Variants in FANCM observed in about 807,000 individuals in gnomAD.
The protein encoded by FANCM is Fanconi anemia group M protein.
Under a neutral mutation model 199.5 loss-of-function variants are expected in FANCM, and 140 were observed. The ratio of observed to expected loss-of-function variants is 0.70; its 90% CI spans 0.61 to 0.81. The LOEUF (loss-of-function observed/expected upper bound fraction) is 0.81. Ranked by LOEUF, FANCM falls within the 30% of genes least tolerant of loss-of-function variation. FANCM has a pLI of 0.00. For synonymous variants in FANCM, 840 were observed against 836.8 expected (o/e 1.00, Z -0.07); for missense variants, 2,410 against 2,421.4 (o/e 1.00, Z 0.10).
At chr14:45,139,270 C>T (rs2048013323) in intron 2 of FANCM, among the ~76,000 whole-genome samples, 2 of 152,128 alleles carry the variant, frequency 1.3e-5, no homozygotes, top group South Asian at 4.1e-4. Context: ...TCTTCATATG[C>T]AATCTGTACC....
At chr14:45,139,234 TGAA>T (rs752254035) in intron 2 of FANCM, among the ~76,000 whole-genome samples, 15 of 152,252 alleles carry the variant, frequency 9.9e-5, no homozygotes, top group Non-Finnish European at 1.6e-4. Context: ...TACTTGTTTC[TGAA>T]GAATAATAAG....
intron 8 of FANCM, among the ~76,000 whole-genome samples, chr14:45,158,497 C>T (rs1176811246): frequency 1.3e-5 from 2 of 149,088 alleles, no homozygotes; most frequent in Non-Finnish European, 3.0e-5. Context: ...GTATGTTCTG[C>T]AGTTGTCTTT....
rs1339082149 is a variant in FANCM, at chr14:45,176,837, A to G, written c.4083A>G (p.Pro1361=). Residue 1361 remains proline (P), a synonymous_variant, in exon 14 of 23, where the codon CCA becomes CCG. Coordinates refer to ENST00000267430, the MANE Select transcript of FANCM (RefSeq NM_020937.4). ...SKIRKEILKT[P]DSSKEKVNLQ... Reference sequence around the variant, plus strand: ...TAAGAAAGGAAATACTTAAGACACCAGATTCTAGTAAGGAAAAAGTAAACC... The same window carrying G: ...TAAGAAAGGAAATACTTAAGACACCGGATTCTAGTAAGGAAAAAGTAAACC... The G allele has an allele frequency of 1.2e-5, 20 of 1,607,136 alleles. No individual in the cohort carries two copies. The highest frequency in any genetic ancestry group is 1.7e-5 in the Non-Finnish European group (20 of 1,175,886).
intron 9 of FANCM, among the ~76,000 whole-genome samples, chr14:45,163,855 T>C (rs147657677): frequency 6.6e-6 from 1 of 152,316 alleles, no homozygotes; most frequent in African/African-American, 2.4e-5. Context: ...GCAAAATAAT[T>C]AGAACTGTTT....
chr14:45,165,421 G>A (rs1047901243), intron 10 of FANCM, among the ~76,000 whole-genome samples: 2 of 152,030 alleles, frequency 1.3e-5, no homozygotes, highest in South Asian at 4.1e-4. Context: ...GGTGGCGCAC[G>A]TCTGTAATCC....
At chr14:45,136,729 A>G (rs980555059) in intron 1 of FANCM, among the ~76,000 whole-genome samples, 190 bp downstream of exon 1, 8 of 152,226 alleles carry the variant, frequency 5.3e-5, no homozygotes, top group Non-Finnish European at 1.2e-4. Flanking sequence ...TTGTCATAGT[A>G]TTTTGAAGCT....
intron 4 of FANCM, among the ~76,000 whole-genome samples, chr14:45,150,168 CCTTT>C (rs1375404586): frequency 1.3e-5 from 2 of 152,090 alleles, no homozygotes; most frequent in African/African-American, 4.8e-5. Flanking sequence ...CTATAGTAAG[CCTTT>C]CTTAAAGAGA....
intron 17 of FANCM, among the ~76,000 whole-genome samples, chr14:45,184,231 G>A (rs1044074225): frequency 2.0e-5 from 3 of 152,004 alleles, no homozygotes; most frequent in African/African-American, 7.2e-5. Context: ...TCATTATATT[G>A]TTTTTCTTAT....
At chr14:45,192,812 A>G (rs555479663) in intron 20 of FANCM, among the ~76,000 whole-genome samples, 80 of 152,120 alleles carry the variant, frequency 5.3e-4, no homozygotes, top group African/African-American at 1.6e-3. Flanking sequence ...CTGGGCAACA[A>G]AATGAGACTC....
chr14:45,149,246 AT>A (rs1886649742), intron 4 of FANCM, among the ~76,000 whole-genome samples: 1 of 151,974 alleles, frequency 6.6e-6, no homozygotes, highest in Non-Finnish European at 1.5e-5. Context: ...ATGGTTTTGT[AT>A]TTTTTTAAGT....
At chr14:45,192,524 C>T (rs973982095) in intron 20 of FANCM, among the ~76,000 whole-genome samples, 3 of 152,056 alleles carry the variant, frequency 2.0e-5, no homozygotes, top group Non-Finnish European at 2.9e-5. Context: ...ATGCCTGTAG[C>T]CCCAGCTATT....
intron 20 of FANCM, among the ~76,000 whole-genome samples, chr14:45,191,864 T>TAC (rs926901001): frequency 6.6e-6 from 1 of 152,148 alleles, no homozygotes; most frequent in African/African-American, 2.4e-5. Context: ...GTTTTGTGTT[T>TAC]AGTGTTTCTT....
chr14:45,175,485 A>T lies in FANCM; in HGVS notation c.2731A>T (p.Thr911Ser), dbSNP rs1888615967. 6.2e-7 allele frequency: 1 copy of T among 1,612,216 alleles called. No individual in the cohort carries two copies. Among genetic ancestry groups the T allele is most frequent in the Non-Finnish European group, 8.5e-7 (1 of 1,178,940 alleles). ...TACAGATGAAATTGCTGCCACATGT[A>T]CTATTAATGAAAATGTTATTAAAGA... ...SDTDEIAATC[T>S]INENVIKEPC... The change falls in exon 14 of 23, where the codon ACT becomes TCT. Residue 911 changes from threonine to serine, a missense_variant. By Grantham distance (58) the Thr-to-Ser change is moderately conservative. Coordinates refer to ENST00000267430, the MANE Select transcript of FANCM (RefSeq NM_020937.4).
intron 8 of FANCM, among the ~76,000 whole-genome samples, chr14:45,156,050 G>A (rs1049609706): frequency 2.0e-5 from 3 of 152,144 alleles, no homozygotes; most frequent in Non-Finnish European, 4.4e-5. Context: ...AAAGAGTAAA[G>A]TAGATTAGGA....
chr14:45,152,172 G>T lies in FANCM; in HGVS notation c.1050+644G>T, dbSNP rs556649788. The stretch of plus-strand genomic sequence containing the variant: ...GCCTCCCTAGTAGCTGGGACTACAG[G>T]CACGCATCACCACGCCTGGCTAATT... On this transcript the variant is annotated intron_variant, in intron 5 of 22. Transcript: ENST00000267430. Among the ~76,000 whole-genome samples, 140 of 151,946 alleles carry T rather than the reference G, an allele frequency of 9.2e-4. 2 individuals are homozygous for T. Among genetic ancestry groups the T allele is most frequent in the Admixed American group, 9.1e-3 (138 of 15,218 alleles).
In FANCM at chr14:45,176,665, A is replaced by T. The variant is rs781358178; in HGVS notation, c.3911A>T (p.Asn1304Ile). Residue 1304 changes from asparagine to isoleucine, a missense_variant, in exon 14 of 23, where the codon AAT becomes ATT. Coordinates refer to ENST00000267430, the MANE Select transcript of FANCM (RefSeq NM_020937.4). ...ATCCCATCAAATGAAGATATGCAGA[A>T]TCCAAATTATGTACATTTGCCACTG... ...VIIPSNEDMQ[N>I]PNYVHLPLSA... 6.2e-7 allele frequency: 1 copy of T among 1,613,726 alleles called. No homozygotes were observed. Among genetic ancestry groups the T allele is most frequent in the African/African-American group, 1.3e-5 (1 of 74,918 alleles).
intron 11 of FANCM, among the ~76,000 whole-genome samples, chr14:45,168,407 A>C (rs780921587): frequency 1.2e-4 from 18 of 152,118 alleles, no homozygotes; most frequent in Middle Eastern, 3.4e-3. Flanking sequence ...AGGTTGGATA[A>C]ATCATTTTTA....
At chr14:45,149,346 A>G (rs959792823) in intron 4 of FANCM, among the ~76,000 whole-genome samples, 25 of 152,142 alleles carry the variant, frequency 1.6e-4, no homozygotes, top group African/African-American at 6.0e-4. Flanking sequence ...TGTATTGCTC[A>G]GTGAATTTTC....
In FANCM at chr14:45,136,586, A is replaced by T. The variant is rs774363341; in HGVS notation, c.508+47A>T. On this transcript the variant is annotated intron_variant, in intron 1 of 22. Coordinates refer to ENST00000267430, the MANE Select transcript of FANCM (RefSeq NM_020937.4). ...TTGAAGTAAGAGCTGGGAATTCCTG[A>T]CCCATGTGGAATAGTTCCCAAGCTA... is the stretch of plus-strand genomic sequence containing the variant. 21 of 1,577,402 alleles carry T rather than the reference A, an allele frequency of 1.3e-5. 1 individual carries two copies. Among genetic ancestry groups the T allele is most frequent in the Non-Finnish European group, 1.0e-5 (12 of 1,153,416 alleles).
Sources: allele counts gnomAD v4.1 joint callset (sites outside exome capture counted in the v4.1 genomes callset), GRCh38; gene constraint gnomAD v4.1.1; transcripts MANE v1.5; gene names NCBI Gene and HGNC (gene_info 2026-07-23, HGNC 2026-07-21).